The following PALM2AKAP2 variants were observed in gnomAD, a reference collection of about 807,000 sequenced individuals.
The protein encoded by PALM2AKAP2 is PALM2-AKAP2 fusion protein.
Under a neutral mutation model 71.5 loss-of-function variants are expected in PALM2AKAP2, and 37 were observed. The observed-to-expected ratio is 0.52, with a 90% confidence interval of 0.40 to 0.68. The LOEUF (loss-of-function observed/expected upper bound fraction) is 0.68, where lower values mean the gene tolerates loss of function less well. PALM2AKAP2 is among the 30% of genes least tolerant of loss of function. The probability of loss-of-function intolerance (pLI) is 0.00; values close to 1 mark genes in which losing one functional copy is unlikely to be tolerated. For synonymous variants in PALM2AKAP2, 468 were observed against 478.8 expected, an observed-to-expected ratio of 0.98 and a Z score of 0.29; for missense variants, 1,224 against 1,191.8, an observed-to-expected ratio of 1.03 and a Z score of -0.40.
At chr9:110,011,004 A>ATATATATATATAT (rs1451603143) in intron 6 of PALM2AKAP2, among the ~76,000 whole-genome samples, 1 of 97,174 alleles carries the variant, frequency 1.0e-5, no homozygotes, top group African/African-American at 5.6e-5. Flanking sequence ...CTCAAAAAAA[A>ATATATATATATAT]AAAAAAAAAA....
chr9:110,089,321 T>G (rs10980178), intron 1 of PALM2AKAP2, among the ~76,000 whole-genome samples: 27,306 of 152,138 alleles, frequency 0.18, 3,328 homozygotes, highest in African/African-American at 0.34. Context: ...AAAGTGGAAT[T>G]AAAATGATCT....
Position 110,064,743 on chromosome 9 carries a change from G to A in PALM2AKAP2, c.156+15888G>A, listed in dbSNP as rs377668720. ...AGTATTGTTTCCTTTGCAATTTGAT[G>A]TGGACTTGGCACATTTCCAAGGTGG... On this transcript the variant is annotated intron_variant, in intron 1 of 3. Transcript: ENST00000374525. Among the ~76,000 whole-genome samples, 18 of 152,276 alleles carry A rather than the reference G, an allele frequency of 1.2e-4. No individual in the cohort carries two copies. In the East Asian group the frequency reaches 3.1e-3, roughly 26 times the overall value.
At chr9:109,852,012 C>A (rs1366360675) in intron 1 of PALM2AKAP2, among the ~76,000 whole-genome samples, 1 of 152,062 alleles carries the variant, frequency 6.6e-6, no homozygotes, top group Non-Finnish European at 1.5e-5. Context: ...CTACCTGGTT[C>A]CCCATCAATA....
At chr9:109,649,133 T>C (rs936310738) in intron 1 of PALM2AKAP2, among the ~76,000 whole-genome samples, 1 of 152,214 alleles carries the variant, frequency 6.6e-6, no homozygotes, top group Non-Finnish European at 1.5e-5. Flanking sequence ...TTGATATTTC[T>C]TACTGTAAGT....
chr9:109,724,081 C>T (rs1198584878), intron 1 of PALM2AKAP2, among the ~76,000 whole-genome samples: 1 of 152,104 alleles, frequency 6.6e-6, no homozygotes, highest in Non-Finnish European at 1.5e-5. Flanking sequence ...AATGTGAAGG[C>T]TTACAGAGAA....
At chr9:109,941,326 T>A (rs1331118526) in intron 6 of PALM2AKAP2, among the ~76,000 whole-genome samples, 1 of 152,180 alleles carries the variant, frequency 6.6e-6, no homozygotes, top group African/African-American at 2.4e-5. Flanking sequence ...GCAAGGCTGT[T>A]GTGCAGAGAG....
At chr9:109,939,178 T>C (rs1246786161) in intron 6 of PALM2AKAP2, among the ~76,000 whole-genome samples, 3 of 152,310 alleles carry the variant, frequency 2.0e-5, no homozygotes, top group Admixed American at 2.0e-4. Flanking sequence ...TCTATGCATA[T>C]TTCATACAGT....
At chr9:109,887,150 A>G (rs1218244356) in intron 3 of PALM2AKAP2, among the ~76,000 whole-genome samples, 1 of 152,236 alleles carries the variant, frequency 6.6e-6, no homozygotes, top group Non-Finnish European at 1.5e-5. Flanking sequence ...GCATAAGCAT[A>G]TGTATCTTAT....
At chr9:109,730,522 C>T (rs191955111) in intron 1 of PALM2AKAP2, among the ~76,000 whole-genome samples, 4 of 152,302 alleles carry the variant, frequency 2.6e-5, no homozygotes, top group African/African-American at 9.6e-5. Flanking sequence ...CATACATTAA[C>T]CGTCTGTGTT....
At chr9:110,109,318 C>CA (rs542467637) in intron 1 of PALM2AKAP2, among the ~76,000 whole-genome samples, 19,125 of 79,382 alleles carry the variant, frequency 0.24, 2,276 homozygotes, top group East Asian at 0.34. Flanking sequence ...TCTTTGTCTC[C>CA]AAAAAAAAAA....
intron 6 of PALM2AKAP2, among the ~76,000 whole-genome samples, chr9:110,002,225 G>T (rs1431552245): frequency 6.8e-6 from 1 of 146,662 alleles, no homozygotes; most frequent in African/African-American, 2.8e-5. Flanking sequence ...TTAGCATGAA[G>T]GTTGTTGAAT....
intron 7 of PALM2AKAP2, among the ~76,000 whole-genome samples, chr9:110,027,692 G>T (rs1323538146): frequency 6.6e-6 from 1 of 152,182 alleles, no homozygotes; most frequent in Non-Finnish European, 1.5e-5. Context: ...AAACTTGTTG[G>T]AAGACAGATT....
chr9:109,964,907 A>G (rs1158306191), intron 6 of PALM2AKAP2, among the ~76,000 whole-genome samples: 1 of 152,176 alleles, frequency 6.6e-6, no homozygotes. Context: ...TCATGCTGGA[A>G]GGGAAGAAAA....
chr9:109,772,990 C>T (rs1172617088), intron 1 of PALM2AKAP2, among the ~76,000 whole-genome samples: 4 of 152,096 alleles, frequency 2.6e-5, no homozygotes, highest in Admixed American at 6.5e-5. Context: ...TGGTGGCGGG[C>T]GCCTGTAGTC....
Position 109,844,931 on chromosome 9 carries a change from A to ATGTGTGTGTGTG in PALM2AKAP2, c.46-22543_46-22532dup, listed in dbSNP as rs71373945. On this transcript the variant is annotated intron_variant, in intron 1 of 9. Transcript: ENST00000302798. ...CCCCCATAACAAATGCCAGAAAATG[A>ATGTGTGTGTGTG]TGTGTGTGTGTGTGTGTGTGTGTGT... Among the ~76,000 whole-genome samples the ATGTGTGTGTGTG allele has an allele frequency of 5.2e-3, 783 of 149,400 alleles. 8 individuals carry two copies. Among genetic ancestry groups the ATGTGTGTGTGTG allele is most frequent in the South Asian group, 0.016 (75 of 4,612 alleles).
intron 6 of PALM2AKAP2, among the ~76,000 whole-genome samples, chr9:109,948,541 T>A (rs1831564429): frequency 6.6e-6 from 1 of 152,190 alleles, no homozygotes; most frequent in Admixed American, 6.5e-5. Context: ...AAACAAGATG[T>A]TTTCTGAAAT....
intron 7 of PALM2AKAP2, among the ~76,000 whole-genome samples, chr9:110,035,977 T>C (rs763349797): frequency 3.9e-5 from 6 of 151,960 alleles, no homozygotes; most frequent in Admixed American, 6.6e-5. Context: ...AGTCTTGCTC[T>C]GTCGCCCAGG....
chr9:110,151,713 A>G (rs1230242089), intron 2 of PALM2AKAP2, among the ~76,000 whole-genome samples: 3 of 152,248 alleles, frequency 2.0e-5, no homozygotes, highest in Non-Finnish European at 4.4e-5. Flanking sequence ...TTTGAATATG[A>G]TCACGTTTAT....
chr9:109,912,672 A>G (rs556423129), intron 3 of PALM2AKAP2, among the ~76,000 whole-genome samples: 86 of 152,290 alleles, frequency 5.6e-4, no homozygotes, highest in Non-Finnish European at 1.1e-3. Context: ...GATAGATGAT[A>G]GATAGGACAG....
Sources: allele counts gnomAD v4.1 joint callset (sites outside exome capture counted in the v4.1 genomes callset), GRCh38; gene constraint gnomAD v4.1.1; transcripts MANE v1.5; gene names NCBI Gene and HGNC (gene_info 2026-07-23, HGNC 2026-07-21).